GTPBP1: variants seen among roughly 807,000 people sequenced by gnomAD.
The protein encoded by GTPBP1 is GTP binding protein 1.
A neutral mutation model predicts 62.0 loss-of-function variants in GTPBP1; 23 were observed. That is an observed-to-expected ratio of 0.37 (90% CI 0.27 to 0.53). GTPBP1 has a LOEUF of 0.53. GTPBP1 is among the 20% of genes least tolerant of loss of function. The pLI, the probability that GTPBP1 is intolerant of heterozygous loss-of-function variation, is 0.89. For missense variants in GTPBP1, 640 were observed against 917.3 expected (o/e 0.70, Z 3.90); for synonymous variants, 344 against 364.4 (o/e 0.94, Z 0.64).
intron 10 of GTPBP1, chr22:38,728,472 A>C: frequency 2.7e-6 from 1 of 371,262 alleles, no homozygotes; most frequent in Non-Finnish European, 5.1e-6. Context: ...CTATGGCCTC[A>C]CTGGGACCAT....
chr22:38,738,750 T>C, downstream of GTPBP1: 2 of 1,613,200 alleles, frequency 1.2e-6, no homozygotes, highest in Non-Finnish European at 1.7e-6. The surrounding 1 kb of genome is among the most constrained non-coding windows in gnomAD (Gnocchi z 6.6). Flanking sequence ...TGGGTGCACA[T>C]CTGGCTGGAG....
At chr22:38,739,162 T>TA, downstream of GTPBP1, 1 of 895,300 alleles carries the variant, frequency 1.1e-6, no homozygotes, top group Non-Finnish European at 1.8e-6. The surrounding 1 kb of genome is among the most constrained non-coding windows in gnomAD (Gnocchi z 6.7). Flanking sequence ...CCCAGGATGG[T>TA]ACTCGGTACG....
At chr22:38,735,063 G>A (rs1233247557), downstream of GTPBP1, 3 of 330,532 alleles carry the variant, frequency 9.1e-6, no homozygotes, top group Non-Finnish European at 1.8e-5. Flanking sequence ...AACGGGGCTA[G>A]GAATCAAGCC....
At chr22:38,715,322 C>T (rs1157036828) in intron 2 of GTPBP1, among the ~76,000 whole-genome samples, 2 of 152,180 alleles carry the variant, frequency 1.3e-5, no homozygotes, top group South Asian at 2.1e-4. Flanking sequence ...TCTCCCGACA[C>T]TCCATGTCAC....
chr22:38,724,377 G>A lies in GTPBP1; in HGVS notation c.1039G>A (p.Val347Met), dbSNP rs762292587. 1 of 1,612,528 alleles carries A rather than the reference G, an allele frequency of 6.2e-7. No individual in the cohort carries two copies. Among genetic ancestry groups the A allele is most frequent in the Non-Finnish European group, 8.5e-7 (1 of 1,178,574 alleles). Residue 347 changes from valine to methionine, a missense_variant, in exon 6 of 12, where the codon GTG becomes ATG. Around this residue, in one of 4 missense-constraint regions of GTPBP1, gnomAD observed 220 missense variants for 358.1 expected, o/e 0.61. Coordinates refer to ENST00000216044, the MANE Select transcript of GTPBP1 (RefSeq NM_004286.5). Reference protein sequence around the residue: ...IPVLVQSKDDVIVTASNFSSE... With the variant: ...IPVLVQSKDDMIVTASNFSSE... ...CGTGCTGGTGCAGAGCAAAGATGAT[G>A]TGATTGTCACAGCCTCCAACTTCAG... is the stretch of plus-strand genomic sequence containing the variant.
At chr22:38,729,710 C>G in intron 11 of GTPBP1, 48 bp downstream of exon 11, 1 of 1,350,064 alleles carries the variant, frequency 7.4e-7, no homozygotes, top group Non-Finnish European at 9.7e-7. Context: ...GGGGCTGTGG[C>G]TTTTACTCTG....
At chr22:38,721,297 C>T (rs1021748748) in intron 4 of GTPBP1, among the ~76,000 whole-genome samples, 13 of 152,288 alleles carry the variant, frequency 8.5e-5, no homozygotes, top group South Asian at 6.2e-4. Flanking sequence ...AGGCTGGTCG[C>T]GAACTCCCGA....
At chr22:38,737,524 G>T (rs1178858072), downstream of GTPBP1, among the ~76,000 whole-genome samples, 1 of 152,086 alleles carries the variant, frequency 6.6e-6, no homozygotes, top group Non-Finnish European at 1.5e-5. This position sits in a 1 kb window ranked among gnomAD's most constrained non-coding sequence, Gnocchi z 4.1. Context: ...GTCACCTGAA[G>T]CACAGCACTG....
chr22:38,721,768 G>A lies in GTPBP1; in HGVS notation c.861G>A (p.Gly287=). Residue 287 remains glycine, a synonymous_variant, in exon 5 of 12, where the codon GGG becomes GGA. Transcript: ENST00000216044. ...LMVGSNAGIV[G]MTKEHLGLAL... ...TGGGCAGCAATGCTGGCATCGTGGG[G>A]ATGACCAAAGAACACCTGGGCTTGG... 1 of 1,612,702 alleles carries A rather than the reference G, an allele frequency of 6.2e-7. No homozygotes were observed. Among genetic ancestry groups the A allele is most frequent in the Non-Finnish European group, 8.5e-7 (1 of 1,178,904 alleles).
At chr22:38,728,424 C>A in intron 10 of GTPBP1, 1 of 462,326 alleles carries the variant, frequency 2.2e-6, no homozygotes, top group Admixed American at 3.3e-5. Flanking sequence ...ATGTCTGGGC[C>A]CAGCCAGGCT....
In GTPBP1 at chr22:38,727,894, G is replaced by T; in HGVS notation, c.1538-89G>T. The T allele has an allele frequency of 5.8e-6, 5 of 857,740 alleles. No homozygotes were observed. The highest frequency in any genetic ancestry group is 9.6e-6 in the Non-Finnish European group (5 of 518,868). 53.1% of individuals were successfully genotyped at this position (857,740 alleles called of 1,614,324 possible). A position where few individuals can be genotyped will look rare whatever the true frequency, so the allele number is the denominator to read the frequency against. ...AAGCCCCCACCCTTCCACAGCTTAA[G>T]CGTATTTCATGCTTTCACTCACTGC... On this transcript the variant is annotated intron_variant, in intron 9 of 11. Coordinates refer to ENST00000216044, the MANE Select transcript of GTPBP1 (RefSeq NM_004286.5). This position sits in a 1 kb window ranked among gnomAD's most constrained non-coding sequence, Gnocchi z 6.5.
rs2092760077 is a variant in GTPBP1 at position 38,731,456 on chromosome 22, C to CG, written c.*755dup. The CG allele has an allele frequency of 6.5e-6, 1 of 152,712 alleles. No individual in the cohort carries two copies. The highest frequency in any genetic ancestry group is 1.9e-4 in the East Asian group (1 of 5,200). The allele number at this position is 152,712 out of a possible 1,614,324, so 9.5% of individuals were successfully genotyped here. On this transcript the variant is annotated 3_prime_UTR_variant, in exon 12 of 12. Transcript: ENST00000216044. The stretch of plus-strand genomic sequence containing the variant: ...TGGGATTATAGGACTCTCCCCATCT[C>CG]GGGCCCTGACCCTGACCCTTGCCAC...
chr22:38,739,537 G>A, downstream of GTPBP1: 2 of 1,373,270 alleles, frequency 1.5e-6, no homozygotes, highest in South Asian at 1.2e-5. The surrounding 1 kb of genome is among the most constrained non-coding windows in gnomAD (Gnocchi z 6.7). Context: ...GGCTTGCACT[G>A]TGCTGGTGCC....
At chr22:38,734,905 G>A (rs934946957), downstream of GTPBP1, 6 of 222,212 alleles carry the variant, frequency 2.7e-5, no homozygotes, top group Admixed American at 1.6e-4. Context: ...GCTCCAGAGC[G>A]GATTTGAGGC....
At chr22:38,734,881 G>A (rs2092788247), downstream of GTPBP1, 1 of 201,758 alleles carries the variant, frequency 5.0e-6, no homozygotes, top group Non-Finnish European at 1.0e-5. Flanking sequence ...CACCACCACT[G>A]CATCCAGCCT....
chr22:38,718,664 G>C (rs1427847341), intron 4 of GTPBP1, among the ~76,000 whole-genome samples: 2 of 152,158 alleles, frequency 1.3e-5, no homozygotes, highest in African/African-American at 4.8e-5. Flanking sequence ...AACTCAGTGG[G>C]CGTCTCCGTG....
rs1319760611 is a variant in GTPBP1 at position 38,716,244 on chromosome 22, C to T, written c.485+157C>T. 1.4e-5 allele frequency: 9 copies of T among 648,414 alleles called. No individual in the cohort carries two copies. Among genetic ancestry groups the T allele is most frequent in the Non-Finnish European group, 2.2e-5 (8 of 370,636 alleles). The allele number at this position is 648,414 out of a possible 1,614,324, so 40.2% of individuals were successfully genotyped here. On this transcript the variant is annotated intron_variant, in intron 3 of 11. Transcript: ENST00000216044. This position sits in a 1 kb window ranked among gnomAD's most constrained non-coding sequence, Gnocchi z 5.2. Reference sequence around the variant, plus strand: ...ACGTGGGCTCCTTGCTCTAATTCTGCACTTCCCTGTCACTTTGGGAAGAGC... The same window carrying T: ...ACGTGGGCTCCTTGCTCTAATTCTGTACTTCCCTGTCACTTTGGGAAGAGC...
rs887019395 is a variant in GTPBP1, at chr22:38,727,418, C to A, written c.1537+70C>A. On this transcript the variant is annotated intron_variant, in intron 9 of 11. Transcript: ENST00000216044. This position sits in a 1 kb window ranked among gnomAD's most constrained non-coding sequence, Gnocchi z 6.5. ...CTCCCCTCAGAAGGTGTTCCAGCAA[C>A]CCAGGCCCCCTAGTTCCAGCTGCAG... 7.1e-7 allele frequency: 1 copy of A among 1,409,986 alleles called. No homozygotes were observed. Among genetic ancestry groups the A allele is most frequent in the Non-Finnish European group, 9.5e-7 (1 of 1,055,446 alleles). 87.3% of individuals were successfully genotyped at this position (1,409,986 alleles called of 1,614,324 possible).
chr22:38,722,787 G>A, intron 5 of GTPBP1: 1 of 1,602,444 alleles, frequency 6.2e-7, no homozygotes, highest in Non-Finnish European at 8.5e-7. Flanking sequence ...AGCTGGATTT[G>A]GCTTGATTGT....
Sources: allele counts gnomAD v4.1 joint callset (sites outside exome capture counted in the v4.1 genomes callset), GRCh38; gene constraint gnomAD v4.1.1; regional missense constraint gnomAD v4.1.1; non-coding constraint Gnocchi (gnomAD v3.1); transcripts MANE v1.5; gene names NCBI Gene and HGNC (gene_info 2026-07-23, HGNC 2026-07-21).